RBFOX1: variants seen among roughly 807,000 people sequenced by gnomAD.
RBFOX1 encodes the protein RNA binding fox-1 homolog 1, also known as RNA binding protein fox-1 homolog 1.
A neutral mutation model predicts 57.7 loss-of-function variants in RBFOX1; 8 were observed. The ratio of observed to expected loss-of-function variants is 0.14; its 90% CI spans 0.08 to 0.25. The LOEUF is 0.25. Ranked by LOEUF, RBFOX1 falls within the 10% of genes least tolerant of loss-of-function variation. RBFOX1 has a pLI of 1.00. For missense variants in RBFOX1, 611 were observed against 548.5 expected, an observed-to-expected ratio of 1.11 and a Z score of -1.14; for synonymous variants, 326 against 222.4, an observed-to-expected ratio of 1.47 and a Z score of -4.15.
chr16:6,614,129 A>T (rs749306044), intron 2 of RBFOX1, among the ~76,000 whole-genome samples: 3 of 152,194 alleles, frequency 2.0e-5, no homozygotes, highest in African/African-American at 7.2e-5. Context: ...TTCCCAAAAA[A>T]TATTGAATTT....
At chr16:6,363,507 G>A (rs919553174) in intron 2 of RBFOX1, among the ~76,000 whole-genome samples, 3 of 152,172 alleles carry the variant, frequency 2.0e-5, no homozygotes, top group African/African-American at 4.8e-5. Flanking sequence ...AAATAATTGC[G>A]TTCTTTGGAA....
intron 2 of RBFOX1, among the ~76,000 whole-genome samples, chr16:6,392,756 C>A (rs374855054): frequency 6.6e-6 from 1 of 152,198 alleles, no homozygotes; most frequent in African/African-American, 2.4e-5. Flanking sequence ...AAATTCCCTC[C>A]TTCCTTTGCA....
At chr16:7,328,130 G>T (rs1397959036) in intron 4 of RBFOX1, among the ~76,000 whole-genome samples, 3 of 152,122 alleles carry the variant, frequency 2.0e-5, no homozygotes, top group Non-Finnish European at 2.9e-5. Context: ...TCAGCCTCCA[G>T]AGTGGCGGAG....
At chr16:6,931,469 A>G (rs117078959) in intron 3 of RBFOX1, among the ~76,000 whole-genome samples, 1 of 152,146 alleles carries the variant, frequency 6.6e-6, no homozygotes, top group Admixed American at 6.5e-5. Context: ...TGCAGGGTAT[A>G]ATCCCAGAAG....
intron 1 of RBFOX1, among the ~76,000 whole-genome samples, chr16:5,352,625 C>A (rs1355383625): frequency 1.3e-5 from 2 of 152,112 alleles, no homozygotes; most frequent in Non-Finnish European, 2.9e-5. Context: ...ATGTAATGAG[C>A]ACACTCAAGA....
chr16:7,388,644 C>CT (rs61629644), intron 4 of RBFOX1, among the ~76,000 whole-genome samples: 2,780 of 92,572 alleles, frequency 0.03, 157 homozygotes, highest in African/African-American at 0.07. Flanking sequence ...GTTTCACTTA[C>CT]TTTTTTTTTT....
chr16:6,712,591 A>T (rs2063918636), intron 3 of RBFOX1, among the ~76,000 whole-genome samples: 1 of 152,170 alleles, frequency 6.6e-6, no homozygotes, highest in African/African-American at 2.4e-5. Flanking sequence ...ATCCATGGCA[A>T]GATAATATAA....
intron 4 of RBFOX1, among the ~76,000 whole-genome samples, chr16:7,192,730 A>G (rs1228481449): frequency 6.6e-6 from 1 of 152,206 alleles, no homozygotes; most frequent in African/African-American, 2.4e-5. Context: ...TGACTGGGTG[A>G]GAGACCCAGG....
intron 3 of RBFOX1, among the ~76,000 whole-genome samples, chr16:7,036,380 A>G (rs2044428566): frequency 6.6e-6 from 1 of 152,124 alleles, no homozygotes; most frequent in Non-Finnish European, 1.5e-5. Flanking sequence ...GTCCCAATGC[A>G]GATCCCCAGA....
At chr16:6,834,188 C>T (rs1022147541) in intron 3 of RBFOX1, among the ~76,000 whole-genome samples, 1 of 152,078 alleles carries the variant, frequency 6.6e-6, no homozygotes, top group East Asian at 1.9e-4. Context: ...ATTGTCCTGC[C>T]TCAGCCTCCC....
At chr16:5,392,242 C>T (rs562643993) in intron 1 of RBFOX1, among the ~76,000 whole-genome samples, 2 of 152,096 alleles carry the variant, frequency 1.3e-5, no homozygotes, top group African/African-American at 4.8e-5. Flanking sequence ...GGAATTTGTT[C>T]ATGTAACCAA....
At chr16:6,528,185 C>G (rs558858455) in intron 2 of RBFOX1, among the ~76,000 whole-genome samples, 1 of 152,274 alleles carries the variant, frequency 6.6e-6, no homozygotes, top group East Asian at 1.9e-4. Flanking sequence ...TTATCCTCCC[C>G]CCATAAATTG....
intron 3 of RBFOX1, among the ~76,000 whole-genome samples, chr16:6,669,727 G>C (rs2098752516): frequency 6.6e-6 from 1 of 152,036 alleles, no homozygotes; most frequent in Non-Finnish European, 1.5e-5. Flanking sequence ...TCAACTGAAA[G>C]GTTTTCTGGG....
intron 1 of RBFOX1, among the ~76,000 whole-genome samples, chr16:5,437,748 A>G (rs900297688): frequency 2.0e-5 from 3 of 152,230 alleles, no homozygotes; most frequent in African/African-American, 7.2e-5. Context: ...GTGCCTGGAT[A>G]ATGAGGCTCT....
At chr16:5,888,689 A>T (rs529589204) in intron 4 of RBFOX1, among the ~76,000 whole-genome samples, 2 of 151,634 alleles carry the variant, frequency 1.3e-5, no homozygotes, top group African/African-American at 4.8e-5. Flanking sequence ...CAGCTACTCA[A>T]CAAGGCTGAG....
At chr16:6,729,450 A>T (rs190745538) in intron 3 of RBFOX1, among the ~76,000 whole-genome samples, 1 of 152,320 alleles carries the variant, frequency 6.6e-6, no homozygotes, top group Admixed American at 6.5e-5. Context: ...GGTGAGGAAG[A>T]TAGTATTGTA....
intron 3 of RBFOX1, among the ~76,000 whole-genome samples, chr16:6,829,711 T>C (rs773935098): frequency 2.6e-5 from 4 of 151,984 alleles, no homozygotes; most frequent in African/African-American, 4.8e-5. Flanking sequence ...AAGAGATTCT[T>C]CTGTCTCAGC....
At chr16:6,443,494 A>G (rs1013070607) in intron 2 of RBFOX1, among the ~76,000 whole-genome samples, 7 of 152,282 alleles carry the variant, frequency 4.6e-5, no homozygotes, top group Admixed American at 6.5e-5. Context: ...CTAGTACACA[A>G]GGACCTTCCT....
intron 1 of RBFOX1, among the ~76,000 whole-genome samples, chr16:6,034,654 T>G (rs1035115900): frequency 6.6e-6 from 1 of 152,170 alleles, no homozygotes; most frequent in African/African-American, 2.4e-5. Flanking sequence ...AACGTGAATT[T>G]TGGCGGGGAC....
Sources: allele counts gnomAD v4.1 joint callset (sites outside exome capture counted in the v4.1 genomes callset), GRCh38; gene constraint gnomAD v4.1.1; transcripts MANE v1.5; gene names NCBI Gene and HGNC (gene_info 2026-07-23, HGNC 2026-07-21).